ANKRD42: variants seen among roughly 807,000 people sequenced by gnomAD.
The protein encoded by ANKRD42 is ankyrin repeat domain 42.
ANKRD42 carries 43 observed loss-of-function variants against 51.5 expected under a neutral mutation model. The observed-to-expected ratio is 0.83, with a 90% CI of 0.65 to 1.08. The LOEUF is 1.08. ANKRD42 is among the 50% of genes least tolerant of loss of function. ANKRD42 has a pLI of 0.00. For missense variants in ANKRD42, 608 were observed against 629.3 expected, an observed-to-expected ratio of 0.97 and a Z score of 0.36; for synonymous variants, 203 against 213.0, an observed-to-expected ratio of 0.95 and a Z score of 0.41.
At chr11:83,225,325 G>A (rs986870711) in intron 6 of ANKRD42, among the ~76,000 whole-genome samples, 1 of 152,090 alleles carries the variant, frequency 6.6e-6, no homozygotes, top group Non-Finnish European at 1.5e-5. Context: ...CCAGAACTTC[G>A]GGAGTCTGAG....
chr11:83,248,458 A>T lies in ANKRD42; in HGVS notation c.*254A>T, dbSNP rs1863609425. 3.5e-6 allele frequency: 4 copies of T among 1,152,918 alleles called. No homozygotes were observed. The East Asian group carries it at 1.7e-4, about 49-fold the overall frequency. The allele number at this position is 1,152,918 out of a possible 1,614,324, so 71.4% of individuals were successfully genotyped here. The stretch of plus-strand genomic sequence containing the variant: ...CCATAGAAGGAGAAAATGTTTTCAT[A>T]AGTAATCAATCAGAATTCTAAGACA... On this transcript the variant is annotated 3_prime_UTR_variant, in exon 11 of 11. Transcript: ENST00000533342.
rs1862938497 is a variant in ANKRD42 at position 83,227,863 on chromosome 11, A to G, written c.904A>G (p.Met302Val). Residue 302 changes from methionine (M) to valine (V), a missense_variant, in exon 7 of 11, where the codon ATG (methionine) becomes GTG (valine). Transcript: ENST00000533342. ...NERADNGSTP[M>V]HKAAGQGHIE... ...GCGTGCTGATAATGGATCAACTCCTATGCATAAAGGTGAGTTATGATTCCT... is the reference window on the plus strand; with the variant it reads ...GCGTGCTGATAATGGATCAACTCCTGTGCATAAAGGTGAGTTATGATTCCT... 3.7e-6 allele frequency: 6 copies of G among 1,607,002 alleles called. No individual in the cohort carries two copies. The highest frequency in any genetic ancestry group is 1.3e-5 in the African/African-American group (1 of 74,548).
intron 2 of ANKRD42, among the ~76,000 whole-genome samples, chr11:83,205,443 A>G (rs963474099): frequency 2.6e-5 from 4 of 152,246 alleles, no homozygotes; most frequent in African/African-American, 9.6e-5. Context: ...TTAAAAAGGA[A>G]GAGGTGGTAG....
At chr11:83,264,074 T>C (rs897252810), downstream of ANKRD42, among the ~76,000 whole-genome samples, 2 of 152,250 alleles carry the variant, frequency 1.3e-5, no homozygotes, top group Admixed American at 1.3e-4. Context: ...ATAGAAATAC[T>C]AGCACAGGGC....
At chr11:83,236,534 C>T (rs753212016) in intron 8 of ANKRD42, 25 bp downstream of exon 8, 4 of 1,544,624 alleles carry the variant, frequency 2.6e-6, no homozygotes, top group Admixed American at 4.1e-5. Context: ...CTTCTTTACT[C>T]CTTTCTTTTC....
chr11:83,212,875 C>T, intron 5 of ANKRD42: 1 of 1,424,862 alleles, frequency 7.0e-7, no homozygotes, highest in Non-Finnish European at 9.2e-7. Context: ...TTATTTTGTT[C>T]TCATTCTTTT....
chr11:83,263,645 C>G (rs990901676), downstream of ANKRD42, among the ~76,000 whole-genome samples: 1 of 152,138 alleles, frequency 6.6e-6, no homozygotes. Flanking sequence ...GTCTGACCCA[C>G]GATGAACCAT....
intron 10 of ANKRD42, 108 bp downstream of exon 10, chr11:83,245,732 G>T (rs374770191): frequency 4.8e-6 from 6 of 1,238,084 alleles, no homozygotes; most frequent in South Asian, 3.4e-5. Flanking sequence ...AGGGTGTTAG[G>T]TTCCATCCTG....
At chr11:83,256,010 A>G in exon 12 of ANKRD42, 1 of 1,045,886 alleles carries the variant, frequency 9.6e-7, no homozygotes, top group East Asian at 2.6e-5. Context: ...GAGTCTATAC[A>G]AACTATCTCA....
At chr11:83,220,517 G>A (rs549741693) in intron 5 of ANKRD42, among the ~76,000 whole-genome samples, 22 of 152,280 alleles carry the variant, frequency 1.4e-4, no homozygotes, top group African/African-American at 3.1e-4. Context: ...GGCTGACCGC[G>A]GTGAGTCACG....
intron 5 of ANKRD42, chr11:83,214,516 T>C (rs527245746): frequency 1.0e-6 from 1 of 980,918 alleles, no homozygotes; most frequent in East Asian, 1.1e-4. Flanking sequence ...GTATTTATAA[T>C]AATATAGATG....
chr11:83,241,954 C>A lies in ANKRD42; in HGVS notation c.1195+1020C>A, dbSNP rs577586011. ...GATGAAGTTCCTGATATAATTATAT[C>A]CTGATGCCAAGGATACTAAATTAGA... On this transcript the variant is annotated intron_variant, in intron 9 of 10. Transcript: ENST00000533342. 7.2e-5 allele frequency among the ~76,000 whole-genome samples: 11 copies of A among 152,200 alleles called. 1 individual carries two copies. In the South Asian group the frequency reaches 2.1e-3, roughly 29 times the overall value.
At chr11:83,199,994 T>C (rs1035278469) in intron 2 of ANKRD42, among the ~76,000 whole-genome samples, 2 of 152,174 alleles carry the variant, frequency 1.3e-5, no homozygotes, top group African/African-American at 4.8e-5. Flanking sequence ...TTCCTATTTG[T>C]TCTGCACTTT....
At chr11:83,197,221 C>T (rs1482401534) in intron 1 of ANKRD42, among the ~76,000 whole-genome samples, 2 of 152,072 alleles carry the variant, frequency 1.3e-5, no homozygotes, top group African/African-American at 2.4e-5. Context: ...CTTAATTTTA[C>T]CTGTACTCTC....
intron 6 of ANKRD42, among the ~76,000 whole-genome samples, chr11:83,226,392 C>CT (rs1590991700): frequency 6.6e-6 from 1 of 152,162 alleles, no homozygotes; most frequent in African/African-American, 2.4e-5. Flanking sequence ...ATTGTTTTGT[C>CT]TTTTTTAAAA....
chr11:83,245,721 A>G (rs1390538325), intron 10 of ANKRD42, 97 bp downstream of exon 10: 2 of 1,349,680 alleles, frequency 1.5e-6, no homozygotes. Context: ...CATCTTGCCA[A>G]AGGGTGTTAG....
chr11:83,212,518 T>C (rs1166398518), intron 5 of ANKRD42: 2 of 825,820 alleles, frequency 2.4e-6, no homozygotes, highest in Non-Finnish European at 3.9e-6. Context: ...AAAAGTGGTC[T>C]ACAAATTCTA....
intron 7 of ANKRD42, among the ~76,000 whole-genome samples, chr11:83,235,591 C>A (rs532481138): frequency 6.6e-6 from 1 of 152,192 alleles, no homozygotes; most frequent in Non-Finnish European, 1.5e-5. Context: ...CACTTGCTGT[C>A]GTCTGAGGAT....
chr11:83,220,043 G>A (rs1476564799), intron 5 of ANKRD42, among the ~76,000 whole-genome samples: 1 of 152,204 alleles, frequency 6.6e-6, no homozygotes, highest in Non-Finnish European at 1.5e-5. Flanking sequence ...CATCCAGGAG[G>A]CAGGAGTCAG....
Sources: gnomAD v4.1 joint callset for allele counts (sites outside exome capture counted in the v4.1 genomes callset) on GRCh38, gnomAD v4.1.1 for gene constraint, MANE v1.5 for transcripts, NCBI Gene and HGNC (gene_info 2026-07-23, HGNC 2026-07-21) for gene names.